Variants in PPP1R12B observed in about 807,000 individuals in gnomAD.
The protein encoded by PPP1R12B is protein phosphatase 1 regulatory subunit 12B, also known as myosin phosphatase target subunit 2.
PPP1R12B carries 76 observed loss-of-function variants against 126.1 expected under a neutral mutation model. The observed-to-expected ratio is 0.60, with a 90% CI of 0.50 to 0.73. The LOEUF (loss-of-function observed/expected upper bound fraction) is 0.73, where lower values mean the gene tolerates loss of function less well. Ranked by LOEUF, PPP1R12B falls within the 30% of genes least tolerant of loss-of-function variation. The pLI, the probability that PPP1R12B is intolerant of heterozygous loss-of-function variation, is 0.00. For synonymous variants in PPP1R12B, 356 were observed against 434.7 expected, an observed-to-expected ratio of 0.82 and a Z score of 2.25; for missense variants, 1,052 against 1,205.1, an observed-to-expected ratio of 0.87 and a Z score of 1.88.
At chr1:202,363,472 A>G (rs930410200) in intron 1 of PPP1R12B, among the ~76,000 whole-genome samples, 2 of 152,212 alleles carry the variant, frequency 1.3e-5, no homozygotes, top group Admixed American at 6.5e-5. Context: ...ATAAGGATAA[A>G]CATGTGCATT....
At chr1:202,393,113 T>C (rs886213499) in intron 1 of PPP1R12B, among the ~76,000 whole-genome samples, 64 of 151,994 alleles carry the variant, frequency 4.2e-4, no homozygotes, top group African/African-American at 1.4e-3. Context: ...GCCTGGCCAA[T>C]TTTTTTGTAT....
chr1:202,466,559 C>T (rs1336587404), intron 13 of PPP1R12B, among the ~76,000 whole-genome samples: 1 of 152,006 alleles, frequency 6.6e-6, no homozygotes, highest in East Asian at 1.9e-4. Context: ...CTGATTGCTG[C>T]AGCTAGCACT....
intron 10 of PPP1R12B, chr1:202,439,583 G>A (rs1016179616): frequency 3.1e-5 from 40 of 1,283,894 alleles, no homozygotes; most frequent in South Asian, 2.7e-4. Flanking sequence ...CCAGGTGGCC[G>A]CCACCCCCTC....
intron 2 of PPP1R12B, among the ~76,000 whole-genome samples, chr1:202,421,402 C>A (rs894413511): frequency 6.6e-6 from 1 of 150,588 alleles, no homozygotes; most frequent in East Asian, 2.0e-4. Context: ...TTTGGGAGGC[C>A]GAGGCGGGCG....
intron 18 of PPP1R12B, among the ~76,000 whole-genome samples, chr1:202,514,761 C>G (rs1420761865): frequency 1.3e-5 from 2 of 152,142 alleles, no homozygotes; most frequent in Non-Finnish European, 2.9e-5. Context: ...TTTCAGGGCT[C>G]TCTATTCTAT....
At chr1:202,412,650 C>CA (rs1667549608) in intron 1 of PPP1R12B, among the ~76,000 whole-genome samples, 1 of 152,182 alleles carries the variant, frequency 6.6e-6, no homozygotes, top group Non-Finnish European at 1.5e-5. Flanking sequence ...TCCTGGCCTA[C>CA]ACAGGTTTAG....
chr1:202,418,282 A>C (rs1668340160), intron 2 of PPP1R12B, among the ~76,000 whole-genome samples: 1 of 152,178 alleles, frequency 6.6e-6, no homozygotes, highest in Admixed American at 6.5e-5. Flanking sequence ...TTGGCCTTTC[A>C]ATTGCTATTT....
Position 202,451,869 on chromosome 1 carries a change from C to G in PPP1R12B, c.1850+2698C>G, listed in dbSNP as rs562084133. 2.0e-3 allele frequency among the ~76,000 whole-genome samples: 310 copies of G among 151,660 alleles called. 1 individual carries two copies. The highest frequency in any genetic ancestry group is 7.1e-3 in the African/African-American group (294 of 41,304). On this transcript the variant is annotated intron_variant, in intron 13 of 23. Transcript: ENST00000608999. ...GGCTGACCCCCACCTCCCTTCCGGA[C>G]GGGGTGGCTGCTGGGTGGAGACGCT...
intron 1 of PPP1R12B, among the ~76,000 whole-genome samples, chr1:202,376,959 G>A (rs1310623017): frequency 6.6e-6 from 1 of 152,152 alleles, no homozygotes; most frequent in Non-Finnish European, 1.5e-5. Context: ...AAAACATTAT[G>A]AGATTTTTTT....
At chr1:202,391,644 ATT>A (rs1558168119) in intron 1 of PPP1R12B, among the ~76,000 whole-genome samples, 1 of 113,812 alleles carries the variant, frequency 8.8e-6, no homozygotes, top group Non-Finnish European at 1.8e-5. Flanking sequence ...AGATAAATGA[ATT>A]ATCTTCAGGT....
At chr1:202,487,858 A>G (rs2148836077) in intron 13 of PPP1R12B, among the ~76,000 whole-genome samples, 1 of 152,134 alleles carries the variant, frequency 6.6e-6, no homozygotes, top group South Asian at 2.1e-4. Context: ...TCCTCCCACC[A>G]TGGCCTCCCA....
At chr1:202,540,021 C>G in intron 18 of PPP1R12B, 2 of 1,372,144 alleles carry the variant, frequency 1.5e-6, no homozygotes, top group Non-Finnish European at 1.9e-6. Flanking sequence ...TTAGTTCTAT[C>G]CAAAGTCATC....
chr1:202,553,123 A>G (rs1207175773), intron 18 of PPP1R12B, among the ~76,000 whole-genome samples: 2 of 152,252 alleles, frequency 1.3e-5, no homozygotes, highest in Non-Finnish European at 2.9e-5. Context: ...TTCAAGAGGT[A>G]TGAAAGAAAG....
intron 1 of PPP1R12B, among the ~76,000 whole-genome samples, chr1:202,388,119 CAA>C (rs112103028): frequency 2.8e-4 from 29 of 104,096 alleles, no homozygotes; most frequent in Non-Finnish European, 3.7e-4. Context: ...ATAGAAGCAG[CAA>C]AAAAAAAAAA....
chr1:202,454,084 CATT>C (rs1673327792), intron 13 of PPP1R12B, among the ~76,000 whole-genome samples: 3 of 152,130 alleles, frequency 2.0e-5, no homozygotes, highest in Admixed American at 2.0e-4. Flanking sequence ...TTAAATTCAT[CATT>C]AAGAGCATGA....
At chr1:202,544,536 A>G (rs1300306245) in intron 18 of PPP1R12B, among the ~76,000 whole-genome samples, 4 of 152,226 alleles carry the variant, frequency 2.6e-5, no homozygotes, top group Admixed American at 6.5e-5. Flanking sequence ...ATTATATTGA[A>G]TAAATCTTGA....
Position 202,587,755 on chromosome 1 carries a change from G to C in PPP1R12B, c.*7195G>C, listed in dbSNP as rs929295832. 1 of 152,090 alleles carries C rather than the reference G, an allele frequency of 6.6e-6. No individual in the cohort carries two copies. The highest frequency in any genetic ancestry group is 1.5e-5 in the Non-Finnish European group (1 of 68,020). The allele number at this position is 152,090 out of a possible 1,614,324, so 9.4% of individuals were successfully genotyped here. A position where few individuals can be genotyped will look rare whatever the true frequency, so the allele number is the denominator to read the frequency against. On this transcript the variant is annotated 3_prime_UTR_variant, in exon 24 of 24. Transcript: ENST00000608999. ...AAGGGCCAGAAGTAGCTTGACTCTC[G>C]CCTAAATATCTGTGCCTTTGCCTGT...
Position 202,559,165 on chromosome 1 carries a change from G to A in PPP1R12B, c.2507+272G>A, listed in dbSNP as rs111533065. 9.0e-3 allele frequency among the ~76,000 whole-genome samples: 1,365 copies of A among 152,116 alleles called. 15 individuals carry two copies. The highest frequency in any genetic ancestry group is 0.025 in the African/African-American group (1,044 of 41,466). ...GATTAATTTTTTTTAAAGCACCAGCGTACCAGGCACCATGCTCGGTATTAG... is the reference window on the plus strand; with the variant it reads ...GATTAATTTTTTTTAAAGCACCAGCATACCAGGCACCATGCTCGGTATTAG... On this transcript the variant is annotated intron_variant, in intron 19 of 23. Transcript: ENST00000608999.
chr1:202,549,480 C>T (rs1374495649), intron 18 of PPP1R12B, among the ~76,000 whole-genome samples: 2 of 148,366 alleles, frequency 1.3e-5, no homozygotes, highest in South Asian at 2.1e-4. Context: ...AGTGCAGTGG[C>T]GTGATCTCTG....
Sources: allele counts gnomAD v4.1 joint callset (sites outside exome capture counted in the v4.1 genomes callset), GRCh38; gene constraint gnomAD v4.1.1; transcripts MANE v1.5; gene names NCBI Gene and HGNC (gene_info 2026-07-23, HGNC 2026-07-21).